The following MAML2 variants were observed in gnomAD, a reference collection of about 807,000 sequenced individuals.
MAML2 encodes the protein mastermind-like protein 2.
MAML2 carries 22 observed loss-of-function variants against 96.1 expected under a neutral mutation model. The observed-to-expected ratio is 0.23, with a 90% CI of 0.16 to 0.33. The LOEUF (loss-of-function observed/expected upper bound fraction) is 0.33. MAML2 is among the 10% of genes least tolerant of loss of function. The pLI, the probability that MAML2 is intolerant of heterozygous loss-of-function variation, is 1.00. For missense variants in MAML2, 1,367 were observed against 1,392.4 expected (o/e 0.98, Z 0.29); for synonymous variants, 561 against 521.3 (o/e 1.08, Z -1.04).
intron 1 of MAML2, among the ~76,000 whole-genome samples, chr11:96,192,132 G>C (rs1861661918): frequency 1.3e-5 from 2 of 152,240 alleles, no homozygotes; most frequent in South Asian, 4.1e-4. Flanking sequence ...TTGAAGTCAA[G>C]TGAGGGTGAG....
chr11:96,178,761 T>C (rs1475273017), intron 1 of MAML2, among the ~76,000 whole-genome samples: 2 of 152,200 alleles, frequency 1.3e-5, no homozygotes, highest in Non-Finnish European at 2.9e-5. Flanking sequence ...CTTGTGCTTC[T>C]CTGGGTATGT....
chr11:96,108,864 T>G (rs974859239), intron 1 of MAML2, among the ~76,000 whole-genome samples: 3 of 151,870 alleles, frequency 2.0e-5, no homozygotes, highest in Middle Eastern at 3.4e-3. Context: ...AAAACCCAGA[T>G]TCTACAAAAA....
At chr11:96,000,956 T>A (rs968895181) in intron 2 of MAML2, among the ~76,000 whole-genome samples, 41 of 152,248 alleles carry the variant, frequency 2.7e-4, no homozygotes, top group African/African-American at 9.6e-4. Context: ...CAGAAGAAAG[T>A]ATTTGGTTTA....
chr11:96,246,451 G>C (rs1204700539), intron 1 of MAML2, among the ~76,000 whole-genome samples: 1 of 152,130 alleles, frequency 6.6e-6, no homozygotes, highest in Non-Finnish European at 1.5e-5. Context: ...ATCAAGCACA[G>C]TGATTGCTTC....
intron 2 of MAML2, among the ~76,000 whole-genome samples, chr11:96,022,258 G>A (rs924385852): frequency 2.0e-5 from 3 of 152,306 alleles, no homozygotes; most frequent in South Asian, 2.1e-4. Context: ...GATCTCCATC[G>A]CTAGCTCCCG....
intron 1 of MAML2, among the ~76,000 whole-genome samples, chr11:96,323,800 GCTGT>G (rs1863740713): frequency 6.6e-6 from 1 of 152,326 alleles, no homozygotes; most frequent in Admixed American, 6.5e-5. Flanking sequence ...AACCACCACA[GCTGT>G]CTTTCCCATC....
chr11:96,121,084 G>GT (rs1555012405), intron 1 of MAML2, among the ~76,000 whole-genome samples: 12 of 602 alleles, frequency 0.02, no homozygotes, highest in South Asian at 0.5. Context: ...GCCAGAGTCA[G>GT]GGGGGAGTGA....
At chr11:95,986,310 T>C (rs1857828024) in intron 3 of MAML2, among the ~76,000 whole-genome samples, 2 of 152,062 alleles carry the variant, frequency 1.3e-5, no homozygotes, top group South Asian at 4.1e-4. Flanking sequence ...GTTCAAGTGA[T>C]TCTCCTCCTC....
rs568356594 is a variant in MAML2, at chr11:95,983,621, TG to T, written c.2455+1909del. On this transcript the variant is annotated intron_variant, in intron 4 of 4. Coordinates refer to ENST00000524717, the MANE Select transcript of MAML2 (RefSeq NM_032427.4). ...GATGGTTATGCTAACAACACTGATC[TG>T]GTCATTACACACTGTTTACATACAT... is the stretch of plus-strand genomic sequence containing the variant. Among the ~76,000 whole-genome samples the T allele has an allele frequency of 5.0e-4, 76 of 152,366 alleles. 3 individuals are homozygous for T. The highest frequency in any genetic ancestry group is 4.6e-3 in the Admixed American group (71 of 15,296).
intron 2 of MAML2, among the ~76,000 whole-genome samples, chr11:96,041,351 T>G (rs10831470): frequency 7.5e-6 from 1 of 133,368 alleles, no homozygotes; most frequent in Non-Finnish European, 1.7e-5. Flanking sequence ...AAAAAAAAAA[T>G]TTAGCCGGGC....
At chr11:96,153,232 G>A (rs998275783) in intron 1 of MAML2, among the ~76,000 whole-genome samples, 15 of 150,106 alleles carry the variant, frequency 1.0e-4, no homozygotes, top group African/African-American at 3.4e-4. Context: ...CCCAAATGAC[G>A]CTTGCTCCTA....
At chr11:96,127,296 T>C (rs187912862) in intron 1 of MAML2, among the ~76,000 whole-genome samples, 1 of 152,362 alleles carries the variant, frequency 6.6e-6, no homozygotes, top group African/African-American at 2.4e-5. Flanking sequence ...GTCTTTTCTC[T>C]GGATTGAATG....
chr11:96,326,080 T>G (rs1035385833), intron 1 of MAML2, among the ~76,000 whole-genome samples: 2 of 140,648 alleles, frequency 1.4e-5, no homozygotes, highest in Non-Finnish European at 3.0e-5. Context: ...GTTTGTTTAC[T>G]CTCTGTCTAC....
At chr11:96,225,777 G>A (rs1415473730) in intron 1 of MAML2, among the ~76,000 whole-genome samples, 1 of 151,812 alleles carries the variant, frequency 6.6e-6, no homozygotes, top group Non-Finnish European at 1.5e-5. Context: ...AGGTTGCAGT[G>A]AGCCAAAAAT....
chr11:96,298,474 T>G (rs1457995822), intron 1 of MAML2, among the ~76,000 whole-genome samples: 1 of 151,900 alleles, frequency 6.6e-6, no homozygotes, highest in South Asian at 2.1e-4. Flanking sequence ...TAAACATAGG[T>G]GTAGGTATTC....
intron 1 of MAML2, among the ~76,000 whole-genome samples, chr11:96,116,761 A>G (rs1226225911): frequency 1.3e-5 from 2 of 152,166 alleles, no homozygotes; most frequent in Non-Finnish European, 2.9e-5. Flanking sequence ...TGGCGAAGAG[A>G]GTGAGGATTT....
chr11:96,138,450 C>T (rs1201138396), intron 1 of MAML2, among the ~76,000 whole-genome samples: 4 of 152,130 alleles, frequency 2.6e-5, no homozygotes, highest in African/African-American at 9.7e-5. Context: ...ATGGCTGCCT[C>T]TTATATTGTG....
At chr11:96,203,050 C>A (rs1861848488) in intron 1 of MAML2, among the ~76,000 whole-genome samples, 1 of 152,154 alleles carries the variant, frequency 6.6e-6, no homozygotes, top group Non-Finnish European at 1.5e-5. Flanking sequence ...CTTTTAAAAT[C>A]ATTTATGAAT....
At chr11:96,178,781 G>A (rs529630424) in intron 1 of MAML2, among the ~76,000 whole-genome samples, 2 of 152,254 alleles carry the variant, frequency 1.3e-5, no homozygotes, top group East Asian at 1.9e-4. Context: ...TCTGGTAGCC[G>A]GTTTTGCTGT....
Sources: gnomAD v4.1 joint callset for allele counts (sites outside exome capture counted in the v4.1 genomes callset) on GRCh38, gnomAD v4.1.1 for gene constraint, MANE v1.5 for transcripts, NCBI Gene and HGNC (gene_info 2026-07-23, HGNC 2026-07-21) for gene names.